Variants in IQCM observed in about 807,000 individuals in gnomAD.
The protein encoded by IQCM is IQ domain-containing protein M.
IQCM carries 45 observed loss-of-function variants against 57.6 expected under a neutral mutation model. The observed-to-expected ratio is 0.78, with a 90% CI of 0.62 to 1.00. IQCM has a LOEUF of 1.00. Ranked by LOEUF, IQCM falls within the 50% of genes least tolerant of loss-of-function variation. The probability of loss-of-function intolerance (pLI) is 0.00; values close to 1 mark genes in which losing one functional copy is unlikely to be tolerated. For synonymous variants in IQCM, 148 were observed against 158.9 expected (o/e 0.93, Z 0.51); for missense variants, 468 against 511.6 (o/e 0.91, Z 0.82).
chr4:149,600,689 C>T (rs983550336), intron 8 of IQCM, among the ~76,000 whole-genome samples: 1 of 152,116 alleles, frequency 6.6e-6, no homozygotes, highest in African/African-American at 2.4e-5. Context: ...GACTATCACT[C>T]CTTGTTTGGA....
intron 13 of IQCM, among the ~76,000 whole-genome samples, chr4:149,399,871 C>A (rs1442837370): frequency 6.6e-6 from 1 of 152,064 alleles, no homozygotes; most frequent in African/African-American, 2.4e-5. Flanking sequence ...TCAATAAATT[C>A]TAATTGTTAT....
chr4:149,640,907 A>C (rs1758128144), intron 7 of IQCM, among the ~76,000 whole-genome samples: 1 of 152,190 alleles, frequency 6.6e-6, no homozygotes, highest in Non-Finnish European at 1.5e-5. Flanking sequence ...AGGCCAGTGG[A>C]TCATCTAAGG....
At chr4:149,406,676 A>C (rs1733001415) in intron 13 of IQCM, among the ~76,000 whole-genome samples, 1 of 152,106 alleles carries the variant, frequency 6.6e-6, no homozygotes, top group Non-Finnish European at 1.5e-5. Context: ...CAGCACACAA[A>C]CTGAATTATT....
At chr4:149,385,166 A>G (rs780765699) in intron 13 of IQCM, among the ~76,000 whole-genome samples, 1 of 152,066 alleles carries the variant, frequency 6.6e-6, no homozygotes, top group Non-Finnish European at 1.5e-5. Context: ...CTTAAATGTT[A>G]ATGGTTTTAA....
chr4:149,446,453 T>A (rs1230030952), intron 12 of IQCM, among the ~76,000 whole-genome samples: 6 of 151,732 alleles, frequency 4.0e-5, no homozygotes, highest in Admixed American at 1.3e-4. Flanking sequence ...ATGTAAATGA[T>A]ACTTTTATTT....
intron 13 of IQCM, among the ~76,000 whole-genome samples, chr4:149,388,016 C>T (rs1731544410): frequency 6.6e-6 from 1 of 152,012 alleles, no homozygotes; most frequent in African/African-American, 2.4e-5. Context: ...TGCATCAATA[C>T]TCCATCATTT....
At chr4:149,417,860 A>T (rs1733856696) in intron 13 of IQCM, among the ~76,000 whole-genome samples, 1 of 151,484 alleles carries the variant, frequency 6.6e-6, no homozygotes, top group African/African-American at 2.4e-5. Flanking sequence ...AGTTTGTAAA[A>T]ATAGCCACTT....
At chr4:149,413,167 TC>T (rs1301938982) in intron 13 of IQCM, among the ~76,000 whole-genome samples, 1 of 152,232 alleles carries the variant, frequency 6.6e-6, no homozygotes, top group Non-Finnish European at 1.5e-5. Context: ...GATTGCCTTT[TC>T]CTACCTAATA....
At chr4:149,576,018 G>A (rs1751613799) in intron 9 of IQCM, among the ~76,000 whole-genome samples, 1 of 151,656 alleles carries the variant, frequency 6.6e-6, no homozygotes, top group South Asian at 2.1e-4. Flanking sequence ...CTTTCCTTCT[G>A]GCATAGATAA....
Position 149,553,222 on chromosome 4 carries a change from A to G in IQCM, c.1014T>C (p.Val338=). The G allele has an allele frequency of 1.6e-6, 2 of 1,231,972 alleles. No individual in the cohort carries two copies. The highest frequency in any genetic ancestry group is 2.0e-6 in the Non-Finnish European group (2 of 987,844). 76.3% of individuals were successfully genotyped at this position (1,231,972 alleles called of 1,614,324 possible). ...INMYGRLIHR[V]RYRRGLWRTR... ...TCCTCCAAAGACCACGTCGATATCT[A>G]ACACGGTGGATTAGTCTGCCATACA... The change falls in exon 11 of 14, where the codon GTT becomes GTC. Residue 338 remains valine (V), a synonymous_variant. Transcript: ENST00000636793.
chr4:149,592,782 T>A (rs1753331184), intron 8 of IQCM, among the ~76,000 whole-genome samples: 1 of 152,128 alleles, frequency 6.6e-6, no homozygotes, highest in African/African-American at 2.4e-5. Flanking sequence ...GGTGGTATTA[T>A]TTCTGAGGGC....
chr4:149,582,937 CAA>C (rs1752343480), intron 9 of IQCM, among the ~76,000 whole-genome samples: 1 of 151,054 alleles, frequency 6.6e-6, no homozygotes, highest in African/African-American at 2.4e-5. Flanking sequence ...AAAATGGTGA[CAA>C]AGAGAATACA....
intron 12 of IQCM, among the ~76,000 whole-genome samples, chr4:149,460,004 C>G (rs985156154): frequency 6.6e-6 from 1 of 152,122 alleles, no homozygotes; most frequent in Admixed American, 6.5e-5. Flanking sequence ...CAGTTTTCCA[C>G]AGAGGCTATA....
chr4:149,437,627 C>T (rs1299062062), intron 12 of IQCM, among the ~76,000 whole-genome samples: 2 of 152,000 alleles, frequency 1.3e-5, no homozygotes, highest in Non-Finnish European at 2.9e-5. Context: ...TGCCTCCCTC[C>T]TGCAGAGCCT....
intron 12 of IQCM, among the ~76,000 whole-genome samples, chr4:149,545,965 C>T (rs1009163043): frequency 1.3e-5 from 2 of 152,104 alleles, no homozygotes; most frequent in African/African-American, 4.8e-5. Flanking sequence ...CTATTCCTCC[C>T]CACTCCCCCG....
intron 7 of IQCM, among the ~76,000 whole-genome samples, chr4:149,627,240 C>T (rs1271278227): frequency 6.6e-6 from 1 of 152,138 alleles, no homozygotes; most frequent in Admixed American, 6.5e-5. Flanking sequence ...AGGAAAGTCT[C>T]CACCTCAGCA....
chr4:149,625,328 G>A (rs1054329365), intron 7 of IQCM, among the ~76,000 whole-genome samples: 8 of 152,062 alleles, frequency 5.3e-5, no homozygotes, highest in Non-Finnish European at 1.2e-4. Flanking sequence ...TTTCCAAAAG[G>A]ATTCAATGAA....
At chr4:149,680,535 T>C (rs1320644784) in intron 7 of IQCM, among the ~76,000 whole-genome samples, 1 of 151,376 alleles carries the variant, frequency 6.6e-6, no homozygotes, top group African/African-American at 2.4e-5. Context: ...TATACTTCAA[T>C]TGGGTGGTTT....
intron 2 of IQCM, among the ~76,000 whole-genome samples, chr4:149,768,287 G>A (rs951363693): frequency 2.9e-4 from 44 of 152,168 alleles, no homozygotes; most frequent in African/African-American, 9.9e-4. Context: ...ACCAGCCAGC[G>A]TATAACTTTG....
Sources: allele counts gnomAD v4.1 joint callset (sites outside exome capture counted in the v4.1 genomes callset), GRCh38; gene constraint gnomAD v4.1.1; transcripts MANE v1.5; gene names NCBI Gene and HGNC (gene_info 2026-07-23, HGNC 2026-07-21).